SOX10: variants seen among roughly 807,000 people sequenced by gnomAD.
The protein encoded by SOX10 is SRY-box transcription factor 10.
A neutral mutation model predicts 35.0 loss-of-function variants in SOX10; 3 were observed. The observed-to-expected ratio is 0.09, with a 90% CI of 0.04 to 0.22. SOX10 has a LOEUF of 0.22. SOX10 is among the 10% of genes least tolerant of loss of function. SOX10 has a pLI of 1.00. For synonymous variants in SOX10, 285 were observed against 291.0 expected, an observed-to-expected ratio of 0.98 and a Z score of 0.21; for missense variants, 436 against 655.1, an observed-to-expected ratio of 0.67 and a Z score of 3.65.
In SOX10 at chr22:37,977,848, C is replaced by A. The variant is rs1401811408; in HGVS notation, c.697+19G>T. The A allele has an allele frequency of 6.2e-7, 1 of 1,600,396 alleles. No individual in the cohort carries two copies. Among genetic ancestry groups the A allele is most frequent in the Non-Finnish European group, 8.5e-7 (1 of 1,171,254 alleles). On this transcript the variant is annotated intron_variant, in intron 3 of 3. Coordinates refer to ENST00000396884, the MANE Select transcript of SOX10 (RefSeq NM_006941.4). ...CTGACTGGCCTTGCCCCACCCTCAG[C>A]TCTGTCATCAGCACTCACCTGAGGG...
chr22:37,982,561 G>A (rs1340148994), intron 2 of SOX10, among the ~76,000 whole-genome samples: 6 of 152,160 alleles, frequency 3.9e-5, no homozygotes, highest in African/African-American at 7.2e-5. Flanking sequence ...CAGGAAGGAG[G>A]CCAAGGTTTC....
At chr22:37,982,372 C>G (rs557569017) in intron 2 of SOX10, among the ~76,000 whole-genome samples, 4 of 152,306 alleles carry the variant, frequency 2.6e-5, no homozygotes, top group African/African-American at 9.6e-5. Flanking sequence ...TGGTCTCTTT[C>G]AGAGCTGCTC....
Position 37,973,456 on chromosome 22 carries a change from G to A in SOX10, c.*39C>T. The stretch of plus-strand genomic sequence containing the variant: ...AAGGAACAGGGCACACAGGCTGGGG[G>A]CAGGGGCTGGGCGGGGGGTGGTGGC... On this transcript the variant is annotated 3_prime_UTR_variant, in exon 4 of 4. Transcript: ENST00000396884. The A allele has an allele frequency of 1.5e-6, 2 of 1,337,880 alleles. No homozygotes were observed. Among genetic ancestry groups the A allele is most frequent in the Non-Finnish European group, 2.1e-6 (2 of 968,990 alleles). 82.9% of individuals were successfully genotyped at this position (1,337,880 alleles called of 1,614,324 possible). A position where few individuals can be genotyped will look rare whatever the true frequency, so the allele number is the denominator to read the frequency against.
rs534393393 is a variant in SOX10, at chr22:37,974,497, C to T, written c.698-299G>A. Among the ~76,000 whole-genome samples, 6 of 151,950 alleles carry T rather than the reference C, an allele frequency of 3.9e-5. No individual in the cohort carries two copies. The highest frequency in any genetic ancestry group is 6.6e-5 in the Admixed American group (1 of 15,266). ...CCTCCTGAGTAGCTGGAATTACAAG[C>T]GCCCACCACAATGCCCAGCTAATTT... is the stretch of plus-strand genomic sequence containing the variant. On this transcript the variant is annotated intron_variant, in intron 3 of 3. Coordinates refer to ENST00000396884, the MANE Select transcript of SOX10 (RefSeq NM_006941.4). This position sits in a 1 kb window ranked among gnomAD's most constrained non-coding sequence, Gnocchi z 5.4.
At chr22:37,975,749 C>G (rs1048278224) in intron 3 of SOX10, among the ~76,000 whole-genome samples, 11 of 152,022 alleles carry the variant, frequency 7.2e-5, no homozygotes, top group African/African-American at 2.7e-4. Flanking sequence ...AACTAGTTTC[C>G]TTATCAGTAA....
rs1472381817 is a variant in SOX10, at chr22:37,974,521, TTGTG to T, written c.698-327_698-324del. Among the ~76,000 whole-genome samples, 2 of 151,938 alleles carry T rather than the reference TTGTG, an allele frequency of 1.3e-5. No individual in the cohort carries two copies. The highest frequency in any genetic ancestry group is 2.9e-5 in the Non-Finnish European group (2 of 67,974). On this transcript the variant is annotated intron_variant, in intron 3 of 3. Transcript: ENST00000396884. The surrounding 1 kb of genome is among the most constrained non-coding windows in gnomAD (Gnocchi z 5.4). Reference sequence around the variant, plus strand: ...GCGCCCACCACAATGCCCAGCTAATTTGTGTATTTTTAGTAGAGACGGGGTTTCA... The same window carrying T: ...GCGCCCACCACAATGCCCAGCTAATTTATTTTTAGTAGAGACGGGGTTTCA...
chr22:37,980,912 A>AC lies in SOX10; in HGVS notation c.428+2444dup, dbSNP rs2043913586. On this transcript the variant is annotated intron_variant, in intron 2 of 3. Transcript: ENST00000396884. The surrounding 1 kb of genome is among the most constrained non-coding windows in gnomAD (Gnocchi z 4.1). The stretch of plus-strand genomic sequence containing the variant: ...TGGCACTGGGAACAGAGGCTGGGTG[A>AC]CCCCCACCACACAGGAGGGACTCTT... 6.6e-6 allele frequency among the ~76,000 whole-genome samples: 1 copy of AC among 151,736 alleles called. No individual in the cohort carries two copies. The highest frequency in any genetic ancestry group is 6.6e-5 in the Admixed American group (1 of 15,218).
rs200970285 is a variant in SOX10, at chr22:37,973,651, C to T, written c.1245G>A (p.Ser415=). ...HQPSGPYYGH[S]GQASGLYSAF... is the part of the protein sequence containing the mutation. ...CCGAGTAGAGGCCAGAGGCCTGGCC[C>T]GAGTGGCCATAATAGGGTCCTGAGG... The change falls in exon 4 of 4, where the codon TCG becomes TCA. Residue 415 remains serine, a synonymous_variant. Transcript: ENST00000396884. 5.4e-5 allele frequency: 87 copies of T among 1,613,746 alleles called. No individual in the cohort carries two copies. Among genetic ancestry groups the T allele is most frequent in the Admixed American group, 2.0e-4 (12 of 60,012 alleles).
Position 37,974,297 on chromosome 22 carries a change from G to A in SOX10, c.698-99C>T, listed in dbSNP as rs1569168028. 11 of 887,540 alleles carry A rather than the reference G, an allele frequency of 1.2e-5. No homozygotes were observed. Among genetic ancestry groups the A allele is most frequent in the Admixed American group, 4.3e-5 (2 of 46,832 alleles). 55.0% of individuals were successfully genotyped at this position (887,540 alleles called of 1,614,324 possible). On this transcript the variant is annotated intron_variant, in intron 3 of 3. Transcript: ENST00000396884. This position sits in a 1 kb window ranked among gnomAD's most constrained non-coding sequence, Gnocchi z 5.4. ...TCCATGGTTCACCTTCAGGCAGCGG[G>A]TGCCTCTGGGAAAACCTTGTAAGTT...
chr22:37,975,946 G>A (rs1223944276), intron 3 of SOX10, among the ~76,000 whole-genome samples: 1 of 151,918 alleles, frequency 6.6e-6, no homozygotes, highest in Non-Finnish European at 1.5e-5. Context: ...TATATATATA[G>A]TAAGAGATAG....
Position 37,977,999 on chromosome 22 carries a change from C to T in SOX10, c.565G>A (p.Glu189Lys). ...KNGKAAQGEAECPGGEAEQGG... is the reference protein window; with the variant it reads ...KNGKAAQGEAKCPGGEAEQGG... ...TGCTCGGCCTCCCCACCGGGGCACTCCGCCTCGCCCTGGGCGGCCTTCCCG... is the reference window on the plus strand; with the variant it reads ...TGCTCGGCCTCCCCACCGGGGCACTTCGCCTCGCCCTGGGCGGCCTTCCCG... Residue 189 changes from glutamate to lysine, a missense_variant, in exon 3 of 4, where the codon GAG becomes AAG. Physicochemically the swap from Glu to Lys is moderately conservative, Grantham distance 56. This residue lies in a region of SOX10 where 285 missense variants were observed against 402.9 expected (regional missense o/e 0.71). Transcript: ENST00000396884. The T allele has an allele frequency of 6.2e-7, 1 of 1,611,834 alleles. No homozygotes were observed. The highest frequency in any genetic ancestry group is 8.5e-7 in the Non-Finnish European group (1 of 1,179,816).
chr22:37,980,727 C>T lies in SOX10; in HGVS notation c.429-2592G>A, dbSNP rs1932372189. ...ACCTTCCTGTCAGCCCTCTTTCTCCCTGGTCTCCCAGGTTTGGAATGGGGG... is the reference window on the plus strand; with the variant it reads ...ACCTTCCTGTCAGCCCTCTTTCTCCTTGGTCTCCCAGGTTTGGAATGGGGG... On this transcript the variant is annotated intron_variant, in intron 2 of 3. Transcript: ENST00000396884. The surrounding 1 kb of genome is among the most constrained non-coding windows in gnomAD (Gnocchi z 4.1). 6.6e-6 allele frequency among the ~76,000 whole-genome samples: 1 copy of T among 152,248 alleles called. No individual in the cohort carries two copies. Among genetic ancestry groups the T allele is most frequent in the Non-Finnish European group, 1.5e-5 (1 of 68,046 alleles).
chr22:37,974,056 C>G lies in SOX10; in HGVS notation c.840G>C (p.Glu280Asp), dbSNP rs1298212260. 1 of 1,614,066 alleles carries G rather than the reference C, an allele frequency of 6.2e-7. No homozygotes were observed. Among genetic ancestry groups the G allele is most frequent in the Non-Finnish European group, 8.5e-7 (1 of 1,180,036 alleles). Residue 280 changes from glutamate (E) to aspartate (D), a missense_variant, in exon 4 of 4, where the codon GAG becomes GAC. Coordinates refer to ENST00000396884, the MANE Select transcript of SOX10 (RefSeq NM_006941.4). This position sits in a 1 kb window ranked among gnomAD's most constrained non-coding sequence, Gnocchi z 5.4. ...TGTTGGACATTACCTCGTGGCTGATCTCACCAATGTCCACGTTGCCGAAGT... is the reference window on the plus strand; with the variant it reads ...TGTTGGACATTACCTCGTGGCTGATGTCACCAATGTCCACGTTGCCGAAGT... The part of the protein sequence containing the change: ...HIDFGNVDIG[E>D]ISHEVMSNME...
In SOX10 at chr22:37,974,243, G is replaced by C; in HGVS notation, c.698-45C>G. 1 of 1,482,518 alleles carries C rather than the reference G, an allele frequency of 6.7e-7. No individual in the cohort carries two copies. The highest frequency in any genetic ancestry group is 9.2e-7 in the Non-Finnish European group (1 of 1,085,070). The allele number at this position is 1,482,518 out of a possible 1,614,324, so 91.8% of individuals were successfully genotyped here. On this transcript the variant is annotated intron_variant, in intron 3 of 3. Coordinates refer to ENST00000396884, the MANE Select transcript of SOX10 (RefSeq NM_006941.4). The surrounding 1 kb of genome is among the most constrained non-coding windows in gnomAD (Gnocchi z 5.4). ...AGAGAGAGAGCGCAAGGGGGAAGCA[G>C]GTTAGAGGCAGGTGGGCGCACGTGA...
chr22:37,980,279 G>A lies in SOX10; in HGVS notation c.429-2144C>T, dbSNP rs1352912622. ...AACCCACAGAGGAGAGAGCTGCTCC[G>A]CCAGCAGTGGACCCCAACAGAGGGG... On this transcript the variant is annotated intron_variant, in intron 2 of 3. Coordinates refer to ENST00000396884, the MANE Select transcript of SOX10 (RefSeq NM_006941.4). The surrounding 1 kb of genome is among the most constrained non-coding windows in gnomAD (Gnocchi z 4.1). Among the ~76,000 whole-genome samples the A allele has an allele frequency of 2.6e-5, 4 of 152,212 alleles. No individual in the cohort carries two copies. Among genetic ancestry groups the A allele is most frequent in the South Asian group, 2.1e-4 (1 of 4,818 alleles).
chr22:37,983,895 C>A lies in SOX10; in HGVS notation c.-84-27G>T. 1 of 942,418 alleles carries A rather than the reference C, an allele frequency of 1.1e-6. No homozygotes were observed. The highest frequency in any genetic ancestry group is 1.4e-6 in the Non-Finnish European group (1 of 712,954). The allele number at this position is 942,418 out of a possible 1,614,324, so 58.4% of individuals were successfully genotyped here. On this transcript the variant is annotated intron_variant, in intron 1 of 3. Transcript: ENST00000396884. The surrounding 1 kb of genome is among the most constrained non-coding windows in gnomAD (Gnocchi z 9.5). ...TGGATGGAAGGAGGGCGCGATGGAG[C>A]GGCCGCGCGCGCAGCCCCGAGGGCG...
intron 2 of SOX10, among the ~76,000 whole-genome samples, chr22:37,981,207 C>A (rs1266167998): frequency 6.6e-6 from 1 of 152,242 alleles, no homozygotes; most frequent in African/African-American, 2.4e-5. Context: ...TACCTAACCA[C>A]CCCACTTCTT....
intron 3 of SOX10, among the ~76,000 whole-genome samples, chr22:37,975,924 C>CTA (rs1201548103): frequency 1.3e-5 from 2 of 150,994 alleles, no homozygotes; most frequent in East Asian, 1.9e-4. Context: ...GTTTCTCTCT[C>CTA]TATATATATA....
Position 37,978,866 on chromosome 22 carries a change from TC to T in SOX10, c.429-732del. On this transcript the variant is annotated intron_variant, in intron 2 of 3. Coordinates refer to ENST00000396884, the MANE Select transcript of SOX10 (RefSeq NM_006941.4). This position sits in a 1 kb window ranked among gnomAD's most constrained non-coding sequence, Gnocchi z 5.0. The stretch of plus-strand genomic sequence containing the variant: ...ATCTCAGCTCACTGCAACCTCTGCC[TC>T]CCAGGTTCAAGTGATTCTTGTGCCT... 6.6e-6 allele frequency among the ~76,000 whole-genome samples: 1 copy of T among 152,240 alleles called. No homozygotes were observed. Among genetic ancestry groups the T allele is most frequent in the African/African-American group, 2.4e-5 (1 of 41,544 alleles).
Sources: allele counts gnomAD v4.1 joint callset (sites outside exome capture counted in the v4.1 genomes callset), GRCh38; gene constraint gnomAD v4.1.1; regional missense constraint gnomAD v4.1.1; non-coding constraint Gnocchi (gnomAD v3.1); transcripts MANE v1.5; gene names NCBI Gene and HGNC (gene_info 2026-07-23, HGNC 2026-07-21).